Variants in NIPSNAP2 observed in about 807,000 individuals in gnomAD.
NIPSNAP2 encodes nipsnap homolog 2.
A neutral mutation model predicts 48.4 loss-of-function variants in NIPSNAP2; 42 were observed. That is an observed-to-expected ratio of 0.87 (90% CI 0.68 to 1.12). NIPSNAP2 has a LOEUF of 1.12. Among genes scored for constraint, NIPSNAP2 ranks in the 50% most tolerant of loss-of-function variants. The pLI is 0.00. For missense variants in NIPSNAP2, 314 were observed against 347.3 expected (o/e 0.90, Z 0.76); for synonymous variants, 158 against 126.6 (o/e 1.25, Z -1.67).
At position 55,978,377 on chromosome 7, in the gene NIPSNAP2, A is replaced by G. The variant is rs761608201; in HGVS notation, c.260A>G (p.Glu87Gly). 2 of 1,612,242 alleles carry G rather than the reference A, an allele frequency of 1.2e-6. No homozygotes were observed. Among genetic ancestry groups the G allele is most frequent in the East Asian group, 4.5e-5 (2 of 44,860 alleles). The change falls in exon 3 of 10, where the codon GAA becomes GGA. Residue 87 changes from glutamate to glycine, a missense_variant. Glu to Gly is a moderately conservative substitution (Grantham distance 98, BLOSUM62 -2). Coordinates refer to ENST00000322090, the MANE Select transcript of NIPSNAP2 (RefSeq NM_001483.3). ...QFHNVKPECL[E>G]AYNKICQEVL... ...CACAATGTTAAACCGGAATGCCTAGAAGCATACAACAAAATTTGGTGTGTA... is the reference window on the plus strand; with the variant it reads ...CACAATGTTAAACCGGAATGCCTAGGAGCATACAACAAAATTTGGTGTGTA...
chr7:55,991,808 A>G lies in NIPSNAP2; in HGVS notation c.618-3086A>G, dbSNP rs147155308. 781 of 255,780 alleles carry G rather than the reference A, an allele frequency of 3.1e-3. 13 individuals carry two copies. Among genetic ancestry groups the G allele is most frequent in the African/African-American group, 0.016 (696 of 43,370 alleles). 15.8% of individuals were successfully genotyped at this position (255,780 alleles called of 1,614,324 possible). On this transcript the variant is annotated intron_variant, in intron 7 of 9. Coordinates refer to ENST00000322090, the MANE Select transcript of NIPSNAP2 (RefSeq NM_001483.3). ...ATTTATAAAGCCAGTTTAGCATTCA[A>G]TTTATATTTTGGCACATAGGTAACT...
chr7:55,980,780 G>A (rs1787198362), intron 3 of NIPSNAP2: 1 of 152,270 alleles, frequency 6.6e-6, no homozygotes, highest in Admixed American at 6.5e-5. Flanking sequence ...TGTGTTCGGT[G>A]CGAGACTACG....
At chr7:55,984,701 G>A (rs1667518375) in intron 6 of NIPSNAP2, 146 bp from the exon 7 acceptor site, 2 of 673,250 alleles carry the variant, frequency 3.0e-6, no homozygotes, top group Non-Finnish European at 5.0e-6. Context: ...CTGGGTGACG[G>A]AGCAAGATTC....
At chr7:55,981,898 C>T (rs1466308805) in intron 4 of NIPSNAP2, 1 of 323,732 alleles carries the variant, frequency 3.1e-6, no homozygotes, top group Non-Finnish European at 5.7e-6. Flanking sequence ...CCTCTGCCTC[C>T]CGGGTTTAAG....
rs755390501 is a variant in NIPSNAP2, at chr7:55,999,262, T to C, written c.*190T>C. ...GAAAGAATTACAGTTGGACTGATTGTGACAGTGCCTTGTCGTCCTCTTTGA... is the reference window on the plus strand; with the variant it reads ...GAAAGAATTACAGTTGGACTGATTGCGACAGTGCCTTGTCGTCCTCTTTGA... On this transcript the variant is annotated 3_prime_UTR_variant, in exon 10 of 10. Coordinates refer to ENST00000322090, the MANE Select transcript of NIPSNAP2 (RefSeq NM_001483.3). 102 of 598,292 alleles carry C rather than the reference T, an allele frequency of 1.7e-4. No individual in the cohort carries two copies. The highest frequency in any genetic ancestry group is 2.7e-4 in the Non-Finnish European group (93 of 338,654). The allele number at this position is 598,292 out of a possible 1,614,324, so 37.1% of individuals were successfully genotyped here. A position where few individuals can be genotyped will look rare whatever the true frequency, so the allele number is the denominator to read the frequency against.
chr7:55,972,326 T>TA (rs1456418364), intron 1 of NIPSNAP2, among the ~76,000 whole-genome samples: 286 of 150,414 alleles, frequency 1.9e-3, no homozygotes, highest in Non-Finnish European at 3.3e-3. Context: ...AAAAAGAACA[T>TA]ACAGAAATTA....
At chr7:55,997,827 CAATT>C (rs1476747884) in intron 9 of NIPSNAP2, among the ~76,000 whole-genome samples, 4 of 152,174 alleles carry the variant, frequency 2.6e-5, no homozygotes, top group African/African-American at 9.6e-5. Context: ...CTTAATACAT[CAATT>C]AAAGAGTGAT....
chr7:55,995,269 G>GGA (rs563269756), intron 8 of NIPSNAP2, among the ~76,000 whole-genome samples: 249 of 152,308 alleles, frequency 1.6e-3, no homozygotes, highest in African/African-American at 5.8e-3. Context: ...AGTCAAGAGT[G>GGA]CCTTCCACAG....
At chr7:55,992,347 G>C (rs1038424570) in intron 7 of NIPSNAP2, among the ~76,000 whole-genome samples, 21 of 152,144 alleles carry the variant, frequency 1.4e-4, no homozygotes, top group African/African-American at 5.1e-4. Flanking sequence ...AAAATTGGCT[G>C]TGCTTAGTGG....
chr7:55,986,559 G>C (rs1787332825), intron 7 of NIPSNAP2, among the ~76,000 whole-genome samples: 1 of 152,034 alleles, frequency 6.6e-6, no homozygotes, highest in Non-Finnish European at 1.5e-5. Flanking sequence ...CTACTCAGGA[G>C]GCTGAGGCAG....
chr7:55,969,135 C>G (rs1786961002), intron 1 of NIPSNAP2, among the ~76,000 whole-genome samples: 2 of 151,914 alleles, frequency 1.3e-5, no homozygotes, highest in African/African-American at 2.4e-5. Context: ...AATCTAGATG[C>G]AGGGCAGAAA....
At chr7:55,997,571 TGTG>T (rs1787587185) in intron 9 of NIPSNAP2, 122 bp downstream of exon 9, 1 of 708,116 alleles carries the variant, frequency 1.4e-6, no homozygotes, top group African/African-American at 1.8e-5. Context: ...GTTATCAGGT[TGTG>T]GGGGGAAGGG....
intron 7 of NIPSNAP2, among the ~76,000 whole-genome samples, chr7:55,990,768 T>TA (rs1350343169): frequency 6.6e-6 from 1 of 151,648 alleles, no homozygotes; most frequent in Non-Finnish European, 1.5e-5. Flanking sequence ...AACTTCAACT[T>TA]ATATCTTTTC....
chr7:55,997,230 C>T (rs1787579932), intron 8 of NIPSNAP2, 136 bp from the exon 9 acceptor site: 1 of 543,652 alleles, frequency 1.8e-6, no homozygotes, highest in Non-Finnish European at 3.3e-6. Context: ...AGAATTTCCC[C>T]AGCCCAGTAT....
At chr7:55,990,288 G>A (rs1004593868) in intron 7 of NIPSNAP2, among the ~76,000 whole-genome samples, 2 of 149,756 alleles carry the variant, frequency 1.3e-5, no homozygotes, top group East Asian at 3.9e-4. Context: ...GAGTGCAGTG[G>A]TGCGAACTCG....
At chr7:55,969,952 C>T (rs987481131) in intron 1 of NIPSNAP2, among the ~76,000 whole-genome samples, 6 of 145,978 alleles carry the variant, frequency 4.1e-5, no homozygotes, top group Non-Finnish European at 8.9e-5. Context: ...CACTGCACTC[C>T]AGCCTGGGCG....
intron 1 of NIPSNAP2, among the ~76,000 whole-genome samples, chr7:55,968,830 A>G (rs911470491): frequency 3.3e-5 from 5 of 152,160 alleles, no homozygotes; most frequent in Non-Finnish European, 5.9e-5. Context: ...GCTCAAGACC[A>G]GCGTGGACAA....
At chr7:55,998,359 A>AT (rs1382941528) in intron 9 of NIPSNAP2, among the ~76,000 whole-genome samples, 4 of 152,086 alleles carry the variant, frequency 2.6e-5, no homozygotes, top group African/African-American at 9.7e-5. Flanking sequence ...TATATAACAT[A>AT]TAATTACATG....
chr7:55,986,457 A>G (rs562945377), intron 7 of NIPSNAP2, among the ~76,000 whole-genome samples: 1 of 151,900 alleles, frequency 6.6e-6, no homozygotes, highest in East Asian at 2.0e-4. Flanking sequence ...AGGTCAGGAG[A>G]TTGAGACCAG....
Sources: gnomAD v4.1 joint callset for allele counts (sites outside exome capture counted in the v4.1 genomes callset) on GRCh38, gnomAD v4.1.1 for gene constraint, MANE v1.5 for transcripts, NCBI Gene and HGNC (gene_info 2026-07-23, HGNC 2026-07-21) for gene names.